MYRIP: variants seen among roughly 807,000 people sequenced by gnomAD.
MYRIP encodes the protein myosin VIIA and Rab interacting protein.
MYRIP carries 49 observed loss-of-function variants against 98.0 expected under a neutral mutation model. That is an observed-to-expected ratio of 0.50 (90% CI 0.40 to 0.63). MYRIP has a LOEUF of 0.63. Ranked by LOEUF, MYRIP falls within the 30% of genes least tolerant of loss-of-function variation. MYRIP has a pLI of 0.00. For missense variants in MYRIP, 1,004 were observed against 1,058.2 expected (o/e 0.95, Z 0.71); for synonymous variants, 404 against 409.5 (o/e 0.99, Z 0.16).
intron 2 of MYRIP, among the ~76,000 whole-genome samples, chr3:39,953,531 G>A (rs1945079445): frequency 6.6e-6 from 1 of 152,108 alleles, no homozygotes; most frequent in South Asian, 2.1e-4. Flanking sequence ...AGGTTTATCA[G>A]CTTAAGAAAA....
intron 2 of MYRIP, among the ~76,000 whole-genome samples, chr3:39,988,143 C>T (rs1023922012): frequency 4.6e-5 from 7 of 151,960 alleles, no homozygotes; most frequent in African/African-American, 1.7e-4. Flanking sequence ...GGGAACATCA[C>T]ACTCTGGGGA....
chr3:39,875,080 G>T (rs1176061570), intron 1 of MYRIP, among the ~76,000 whole-genome samples: 1 of 152,168 alleles, frequency 6.6e-6, no homozygotes, highest in East Asian at 1.9e-4. Context: ...GAGGGTGTAT[G>T]TGTCCAGGAA....
chr3:39,998,090 A>G (rs1946415608), intron 2 of MYRIP, among the ~76,000 whole-genome samples: 1 of 152,190 alleles, frequency 6.6e-6, no homozygotes, highest in South Asian at 2.1e-4. Flanking sequence ...CTGAATGGGC[A>G]AAAACTGGAA....
chr3:40,078,958 C>A (rs6790823), intron 3 of MYRIP, among the ~76,000 whole-genome samples: 1 of 152,106 alleles, frequency 6.6e-6, no homozygotes, highest in Non-Finnish European at 1.5e-5. Context: ...GACCCTCTTC[C>A]TTCTCCAGTT....
chr3:39,865,370 G>A (rs1942589398), intron 1 of MYRIP, among the ~76,000 whole-genome samples: 1 of 151,236 alleles, frequency 6.6e-6, no homozygotes. Context: ...GAGTAACAGA[G>A]TAAACAGAGT....
intron 2 of MYRIP, among the ~76,000 whole-genome samples, chr3:40,010,831 G>A (rs150156681): frequency 6.6e-6 from 1 of 152,216 alleles, no homozygotes; most frequent in Non-Finnish European, 1.5e-5. Context: ...TCCTTTCACT[G>A]TCATCTTGCT....
intron 3 of MYRIP, among the ~76,000 whole-genome samples, chr3:40,122,171 A>C (rs986252986): frequency 6.6e-6 from 1 of 152,124 alleles, no homozygotes; most frequent in African/African-American, 2.4e-5. Flanking sequence ...ATTAACTCAG[A>C]AAGTGTGATG....
chr3:39,869,576 T>G (rs1319614711), intron 1 of MYRIP, among the ~76,000 whole-genome samples: 1 of 152,134 alleles, frequency 6.6e-6, no homozygotes, highest in Non-Finnish European at 1.5e-5. Context: ...GAGCCTAGAG[T>G]TCAAACTCAA....
intron 11 of MYRIP, among the ~76,000 whole-genome samples, chr3:40,215,339 T>C (rs1387314366): frequency 6.6e-6 from 1 of 152,186 alleles, no homozygotes; most frequent in Non-Finnish European, 1.5e-5. Context: ...TTTCATTTTT[T>C]TCAATTTTGA....
rs577164149 is a variant in MYRIP at position 40,035,397 on chromosome 3, C to G, written c.111-8653C>G. ...AGAATTGAGGACTTCTTGGTGATGA[C>G]TCATGAATGATTTGCACTGAAAAGG... On this transcript the variant is annotated intron_variant, in intron 2 of 16. Coordinates refer to ENST00000302541, the MANE Select transcript of MYRIP (RefSeq NM_015460.4). 1.0e-3 allele frequency among the ~76,000 whole-genome samples: 155 copies of G among 152,118 alleles called. 1 individual carries two copies. Among genetic ancestry groups the G allele is most frequent in the African/African-American group, 3.5e-3 (145 of 41,510 alleles).
At chr3:40,229,404 G>A (rs879534778) in intron 11 of MYRIP, among the ~76,000 whole-genome samples, 3 of 152,198 alleles carry the variant, frequency 2.0e-5, no homozygotes, top group East Asian at 1.9e-4. Context: ...CGCAGGGCAC[G>A]AGTTGGTCAT....
At position 40,182,390 on chromosome 3, in the gene MYRIP, G is replaced by A. The variant is rs1342189705; in HGVS notation, c.1027+17G>A. 1 of 1,604,122 alleles carries A rather than the reference G, an allele frequency of 6.2e-7. No homozygotes were observed. The highest frequency in any genetic ancestry group is 1.7e-5 in the Admixed American group (1 of 58,876). On this transcript the variant is annotated intron_variant, in intron 9 of 16. Transcript: ENST00000302541. ...ATGAAACAAGTAACTGTTTTAAGCA[G>A]TATCTAGTTGGTCTGTGGGTTTCAA...
chr3:40,052,434 C>G (rs933983147), intron 3 of MYRIP, among the ~76,000 whole-genome samples: 1 of 152,086 alleles, frequency 6.6e-6, no homozygotes, highest in African/African-American at 2.4e-5. Context: ...ATACATTAAA[C>G]AATTATCACC....
intron 3 of MYRIP, among the ~76,000 whole-genome samples, chr3:40,105,540 G>A (rs1218008121): frequency 6.6e-6 from 1 of 152,032 alleles, no homozygotes. Flanking sequence ...GAGAGGGGAG[G>A]TGCCACACAC....
chr3:39,934,574 C>T (rs1043869234), intron 2 of MYRIP, among the ~76,000 whole-genome samples: 26 of 152,076 alleles, frequency 1.7e-4, no homozygotes, highest in African/African-American at 6.0e-4. Context: ...ATAAGGGTTA[C>T]CTTCCTTCTT....
chr3:40,085,757 A>G (rs566164591), intron 3 of MYRIP, among the ~76,000 whole-genome samples: 1 of 152,308 alleles, frequency 6.6e-6, no homozygotes, highest in African/African-American at 2.4e-5. Flanking sequence ...GAAGGAAGGA[A>G]GCAGCAGCAA....
chr3:40,166,757 C>A, intron 5 of MYRIP, 89 bp from the exon 6 acceptor site: 1 of 891,910 alleles, frequency 1.1e-6, no homozygotes, highest in Non-Finnish European at 1.8e-6. Context: ...TATCCCAGAG[C>A]CCCTGAAGAA....
chr3:40,138,956 C>T (rs1177670879), intron 3 of MYRIP, among the ~76,000 whole-genome samples: 4 of 152,124 alleles, frequency 2.6e-5, no homozygotes, highest in Non-Finnish European at 5.9e-5. Flanking sequence ...TTTAATAAGT[C>T]TCTCCCTATC....
At chr3:40,159,064 T>G (rs1359665277) in intron 4 of MYRIP, among the ~76,000 whole-genome samples, 1 of 152,176 alleles carries the variant, frequency 6.6e-6, no homozygotes, top group Non-Finnish European at 1.5e-5. Flanking sequence ...TTTTGCTCGT[T>G]AGTTGATGCA....
Sources: allele counts gnomAD v4.1 joint callset (sites outside exome capture counted in the v4.1 genomes callset), GRCh38; gene constraint gnomAD v4.1.1; transcripts MANE v1.5; gene names NCBI Gene and HGNC (gene_info 2026-07-23, HGNC 2026-07-21).